The following KCNIP4 variants were observed in gnomAD, a reference collection of about 807,000 sequenced individuals.
The protein encoded by KCNIP4 is potassium voltage-gated channel interacting protein 4, also known as Kv channel-interacting protein 4.
A neutral mutation model predicts 34.0 loss-of-function variants in KCNIP4; 12 were observed. That is an observed-to-expected ratio of 0.35 (90% confidence interval 0.23 to 0.57). KCNIP4 has a LOEUF of 0.57. KCNIP4 is among the 20% of genes least tolerant of loss of function. KCNIP4 has a pLI of 0.83. For missense variants in KCNIP4, 238 were observed against 311.7 expected (o/e 0.76, Z 1.78); for synonymous variants, 124 against 102.2 (o/e 1.21, Z -1.29).
At chr4:21,666,044 T>C (rs1748926637) in intron 1 of KCNIP4, among the ~76,000 whole-genome samples, 1 of 152,240 alleles carries the variant, frequency 6.6e-6, no homozygotes, top group Non-Finnish European at 1.5e-5. Flanking sequence ...TTGGCTGACA[T>C]TTTCCTTCAA....
chr4:21,663,385 G>C (rs1748597114), intron 1 of KCNIP4, among the ~76,000 whole-genome samples: 2 of 152,282 alleles, frequency 1.3e-5, no homozygotes, highest in South Asian at 2.1e-4. Flanking sequence ...CACAAGGGTA[G>C]CTTGGAGGTG....
rs111547836 is a variant in KCNIP4 at position 21,191,895 on chromosome 4, T to C, written c.62-309186A>G. Among the ~76,000 whole-genome samples the C allele has an allele frequency of 5.8e-3, 888 of 152,308 alleles. 7 individuals are homozygous for C. The highest frequency in any genetic ancestry group is 0.02 in the African/African-American group (846 of 41,562). On this transcript the variant is annotated intron_variant, in intron 1 of 8. Transcript: ENST00000382152. ...GCAGAGATCCTTGTTTGTGTTAGTA[T>C]TTTGATTATTTTTCTTACCACAATA...
At chr4:21,884,662 A>C (rs1186724455) in intron 1 of KCNIP4, among the ~76,000 whole-genome samples, 1 of 152,148 alleles carries the variant, frequency 6.6e-6, no homozygotes, top group Non-Finnish European at 1.5e-5. Flanking sequence ...TCCATTAAGC[A>C]GGTGATCTAT....
chr4:21,718,382 ATAAAATTTGGTAAACATTT>A (rs565982332), intron 1 of KCNIP4: 1 of 152,318 alleles, frequency 6.6e-6, no homozygotes, highest in Non-Finnish European at 1.5e-5. Context: ...TACAAATATT[ATAAAATTTGGTAAACATTT>A]TATGAATATT....
At chr4:21,205,533 C>G (rs1193748487) in intron 1 of KCNIP4, among the ~76,000 whole-genome samples, 1 of 152,186 alleles carries the variant, frequency 6.6e-6, no homozygotes, top group African/African-American at 2.4e-5. Flanking sequence ...CTTAGAAAGG[C>G]TGAATAACTT....
At chr4:21,312,188 A>C (rs920376649) in intron 1 of KCNIP4, among the ~76,000 whole-genome samples, 3 of 152,200 alleles carry the variant, frequency 2.0e-5, no homozygotes, top group African/African-American at 7.2e-5. Flanking sequence ...ACTGAAGACA[A>C]ATGGGAGGAA....
At chr4:21,880,333 T>C (rs1179130878) in intron 1 of KCNIP4, among the ~76,000 whole-genome samples, 1 of 152,168 alleles carries the variant, frequency 6.6e-6, no homozygotes, top group Non-Finnish European at 1.5e-5. Context: ...AATTATTGAG[T>C]TGAAAGGTAT....
At chr4:21,297,225 T>C (rs1475986714) in intron 1 of KCNIP4, among the ~76,000 whole-genome samples, 1 of 152,026 alleles carries the variant, frequency 6.6e-6, no homozygotes, top group Non-Finnish European at 1.5e-5. Context: ...ATATTTGTTA[T>C]AGGACCTTGG....
intron 1 of KCNIP4, among the ~76,000 whole-genome samples, chr4:21,518,629 T>C (rs1314401942): frequency 6.6e-6 from 1 of 152,068 alleles, no homozygotes; most frequent in African/African-American, 2.4e-5. Context: ...ATCCCTACGC[T>C]GTGGTGGAGA....
chr4:20,857,085 G>T (rs1721669335), intron 2 of KCNIP4, among the ~76,000 whole-genome samples: 1 of 151,010 alleles, frequency 6.6e-6, no homozygotes, highest in African/African-American at 2.4e-5. Context: ...CTGCCTGTGG[G>T]CTCTCTTGCT....
intron 1 of KCNIP4, among the ~76,000 whole-genome samples, chr4:21,898,617 C>A (rs1606537): frequency 6.6e-6 from 1 of 151,876 alleles, no homozygotes; most frequent in African/African-American, 2.4e-5. Flanking sequence ...AGCACCTGGG[C>A]CCTGAATAAT....
chr4:21,179,550 T>A (rs1381136004), intron 1 of KCNIP4, among the ~76,000 whole-genome samples: 2 of 152,074 alleles, frequency 1.3e-5, no homozygotes, highest in African/African-American at 4.8e-5. Context: ...AAATAGAAAA[T>A]GTTATGGGAA....
At chr4:20,858,883 T>A (rs1463081975) in intron 2 of KCNIP4, among the ~76,000 whole-genome samples, 1 of 152,196 alleles carries the variant, frequency 6.6e-6, no homozygotes, top group Non-Finnish European at 1.5e-5. Context: ...TCACATTTCT[T>A]AAATAACTTA....
rs527823356 is a variant in KCNIP4, at chr4:20,815,872, T to A, written c.288+34671A>T. ...TGAGACTTTTAAGAGGTCAAATAAC[T>A]TTCTCAAGGTTCCCAGTTTGCCTGT... On this transcript the variant is annotated intron_variant, in intron 3 of 8. Coordinates refer to ENST00000382152, the MANE Select transcript of KCNIP4 (RefSeq NM_025221.6). 5.9e-5 allele frequency among the ~76,000 whole-genome samples: 9 copies of A among 152,294 alleles called. No homozygotes were observed. The East Asian group carries it at 1.7e-3, about 29-fold the overall frequency.
At chr4:20,898,548 C>T (rs1416200763) in intron 1 of KCNIP4, among the ~76,000 whole-genome samples, 1 of 152,140 alleles carries the variant, frequency 6.6e-6, no homozygotes, top group Non-Finnish European at 1.5e-5. Flanking sequence ...ATTATAAATG[C>T]ACAATGCACT....
chr4:21,074,706 C>T (rs371081935), intron 1 of KCNIP4, among the ~76,000 whole-genome samples: 4 of 151,326 alleles, frequency 2.6e-5, no homozygotes, highest in South Asian at 2.1e-4. Context: ...CTCTTGCTTC[C>T]CTAGTTCTTT....
chr4:21,779,024 G>A (rs113024058), intron 1 of KCNIP4, among the ~76,000 whole-genome samples: 4,922 of 152,092 alleles, frequency 0.032, 269 homozygotes, highest in African/African-American at 0.11. Context: ...GAGAGAGAGA[G>A]AGAGAGAGAG....
At chr4:21,558,717 A>AAAT (rs1739277204) in intron 1 of KCNIP4, among the ~76,000 whole-genome samples, 1 of 152,166 alleles carries the variant, frequency 6.6e-6, no homozygotes, top group African/African-American at 2.4e-5. Context: ...GATTAAAGAA[A>AAAT]AATAACTATT....
At chr4:21,833,202 C>T (rs1366911085) in intron 1 of KCNIP4, among the ~76,000 whole-genome samples, 2 of 151,610 alleles carry the variant, frequency 1.3e-5, no homozygotes, top group African/African-American at 4.9e-5. Context: ...TTTACAGTCC[C>T]ACCAACAGTG....
Sources: allele counts gnomAD v4.1 joint callset (sites outside exome capture counted in the v4.1 genomes callset), GRCh38; gene constraint gnomAD v4.1.1; transcripts MANE v1.5; gene names NCBI Gene and HGNC (gene_info 2026-07-23, HGNC 2026-07-21).